The following CTNNA3 variants were observed in gnomAD, a reference collection of about 807,000 sequenced individuals.
CTNNA3 encodes the protein catenin alpha-3.
Under a neutral mutation model 95.7 loss-of-function variants are expected in CTNNA3, and 76 were observed. That is an observed-to-expected ratio of 0.79 (90% CI 0.66 to 0.96). The LOEUF (loss-of-function observed/expected upper bound fraction) is 0.96, where lower values mean the gene tolerates loss of function less well. Among genes scored for constraint, CTNNA3 ranks in the 40% least tolerant of loss-of-function variants. CTNNA3 has a pLI of 0.00. For missense variants in CTNNA3, 1,191 were observed against 1,089.8 expected, an observed-to-expected ratio of 1.09 and a Z score of -1.31; for synonymous variants, 431 against 374.4, an observed-to-expected ratio of 1.15 and a Z score of -1.74.
chr10:66,380,731 A>G (rs2092832141), intron 11 of CTNNA3, among the ~76,000 whole-genome samples: 1 of 151,660 alleles, frequency 6.6e-6, no homozygotes, highest in Admixed American at 6.6e-5. Context: ...TCATAATGAT[A>G]TGTTCCGGAA....
At chr10:67,483,322 G>A (rs1848312402) in intron 5 of CTNNA3, among the ~76,000 whole-genome samples, 1 of 142,754 alleles carries the variant, frequency 7.0e-6, no homozygotes, top group Admixed American at 6.9e-5. Flanking sequence ...GCACACATAT[G>A]TTTATTGCGG....
chr10:67,130,535 A>G (rs1317067508), intron 7 of CTNNA3, among the ~76,000 whole-genome samples: 1 of 152,172 alleles, frequency 6.6e-6, no homozygotes, highest in African/African-American at 2.4e-5. Flanking sequence ...AAAATTAGAT[A>G]AACCTTCTGA....
intron 5 of CTNNA3, among the ~76,000 whole-genome samples, chr10:67,280,415 G>A (rs1271427826): frequency 2.2e-5 from 3 of 138,754 alleles, no homozygotes; most frequent in Non-Finnish European, 3.2e-5. Context: ...TCCTTAGTTC[G>A]GGTAAAATCC....
At chr10:66,935,966 C>T (rs1026196475) in intron 7 of CTNNA3, among the ~76,000 whole-genome samples, 64 of 151,928 alleles carry the variant, frequency 4.2e-4, no homozygotes, top group African/African-American at 1.4e-3. Flanking sequence ...AAATAATTTC[C>T]GATGATTTAC....
chr10:66,212,895 C>T (rs868678298), intron 13 of CTNNA3, among the ~76,000 whole-genome samples: 3 of 152,094 alleles, frequency 2.0e-5, no homozygotes, highest in South Asian at 2.1e-4. Flanking sequence ...CCCAGCTATG[C>T]GGGAGGCTGA....
chr10:66,266,121 AAGGAAAGAAGGAAG>A (rs1312542634), intron 13 of CTNNA3, among the ~76,000 whole-genome samples: 4 of 109,146 alleles, frequency 3.7e-5, no homozygotes, highest in African/African-American at 1.4e-4. Flanking sequence ...GGAAGGAAGG[AAGGAAAGAAGGAAG>A]GAAGGAAAGA....
intron 1 of CTNNA3, among the ~76,000 whole-genome samples, chr10:67,752,644 C>A (rs1841413378): frequency 6.6e-6 from 1 of 152,146 alleles, no homozygotes; most frequent in Non-Finnish European, 1.5e-5. Flanking sequence ...GATACAAAAT[C>A]AATGTGCAAA....
intron 11 of CTNNA3, among the ~76,000 whole-genome samples, chr10:66,436,879 C>T (rs997154737): frequency 6.6e-6 from 1 of 152,022 alleles, no homozygotes; most frequent in Non-Finnish European, 1.5e-5. Context: ...GTAAGGCAGA[C>T]CTGGTGGTGA....
rs372907063 is a variant in CTNNA3, at chr10:67,236,987, C to T, written c.580-17117G>A. Among the ~76,000 whole-genome samples the T allele has an allele frequency of 1.6e-4, 24 of 151,152 alleles. No individual in the cohort carries two copies. The South Asian group carries it at 2.1e-3, about 13-fold the overall frequency. ...CAGCAATCCCACTACTAGGTATCTA[C>T]CCCAGAGGAAAAGAAGTCATTACAT... On this transcript the variant is annotated intron_variant, in intron 5 of 17. Coordinates refer to ENST00000433211, the MANE Select transcript of CTNNA3 (RefSeq NM_013266.4).
intron 7 of CTNNA3, among the ~76,000 whole-genome samples, chr10:67,073,111 C>T (rs1049535201): frequency 3.3e-5 from 5 of 152,174 alleles, no homozygotes; most frequent in Non-Finnish European, 5.9e-5. Flanking sequence ...TACATGCATG[C>T]CTTGGAATAA....
intron 3 of CTNNA3, among the ~76,000 whole-genome samples, chr10:67,584,868 T>C (rs190780799): frequency 7.9e-4 from 120 of 152,336 alleles, no homozygotes; most frequent in Non-Finnish European, 1.3e-3. Flanking sequence ...CTGTGAGCCA[T>C]GTGCGGGATA....
intron 2 of CTNNA3, among the ~76,000 whole-genome samples, chr10:67,646,271 C>A (rs1839709974): frequency 6.6e-6 from 1 of 151,240 alleles, no homozygotes; most frequent in Non-Finnish European, 1.5e-5. Flanking sequence ...CCTGCCTTGG[C>A]CTCCCAAAGT....
At position 66,154,388 on chromosome 10, in the gene CTNNA3, C is replaced by T. The variant is rs147218793; in HGVS notation, c.1885-51139G>A. 3.0e-3 allele frequency among the ~76,000 whole-genome samples: 460 copies of T among 151,734 alleles called. 4 individuals are homozygous for T. Among genetic ancestry groups the T allele is most frequent in the East Asian group, 0.019 (98 of 5,134 alleles). Reference sequence around the variant, plus strand: ...CTACTACCCACCCTCTCCCATACTACGACAGGTCTTTTGGAATCTTACTTA... The same window carrying T: ...CTACTACCCACCCTCTCCCATACTATGACAGGTCTTTTGGAATCTTACTTA... On this transcript the variant is annotated intron_variant, in intron 13 of 17. Transcript: ENST00000433211.
intron 14 of CTNNA3, among the ~76,000 whole-genome samples, chr10:66,090,296 GAACT>G (rs2081165296): frequency 6.6e-6 from 1 of 151,982 alleles, no homozygotes; most frequent in Non-Finnish European, 1.5e-5. Context: ...AATCTGAAGA[GAACT>G]AATTAGCAAG....
chr10:66,982,594 G>T (rs1850503141), intron 7 of CTNNA3, among the ~76,000 whole-genome samples: 1 of 151,986 alleles, frequency 6.6e-6, no homozygotes, highest in Non-Finnish European at 1.5e-5. Context: ...AAAACAGTAG[G>T]TACTGAAATT....
chr10:66,319,739 T>C (rs1275075055), intron 12 of CTNNA3, among the ~76,000 whole-genome samples: 1 of 152,108 alleles, frequency 6.6e-6, no homozygotes, highest in Non-Finnish European at 1.5e-5. Flanking sequence ...TTACTAGCAT[T>C]CAAATGCGAT....
chr10:65,986,829 C>T (rs2078437603), intron 16 of CTNNA3, among the ~76,000 whole-genome samples: 1 of 150,856 alleles, frequency 6.6e-6, no homozygotes, highest in Admixed American at 6.6e-5. Flanking sequence ...GATATAGTAA[C>T]TAAAACTGCA....
intron 7 of CTNNA3, among the ~76,000 whole-genome samples, chr10:66,817,340 TA>T (rs1341497455): frequency 1.3e-5 from 2 of 151,484 alleles, no homozygotes; most frequent in Admixed American, 6.6e-5. Flanking sequence ...TAAAAGAGGA[TA>T]AAAAACCTAC....
At chr10:66,127,323 CA>C (rs886498312) in intron 13 of CTNNA3, among the ~76,000 whole-genome samples, 7 of 144,344 alleles carry the variant, frequency 4.8e-5, no homozygotes, top group African/African-American at 1.8e-4. Flanking sequence ...GTAGATACTA[CA>C]ACCTCAGCCA....
Sources: allele counts gnomAD v4.1 joint callset (sites outside exome capture counted in the v4.1 genomes callset), GRCh38; gene constraint gnomAD v4.1.1; transcripts MANE v1.5; gene names NCBI Gene and HGNC (gene_info 2026-07-23, HGNC 2026-07-21).